The following BCAN variants were observed in gnomAD, a reference collection of about 807,000 sequenced individuals.
BCAN encodes brevican, also known as brevican core protein.
Under a neutral mutation model 92.4 loss-of-function variants are expected in BCAN, and 51 were observed. That is an observed-to-expected ratio of 0.55 (90% CI 0.44 to 0.70). The LOEUF (loss-of-function observed/expected upper bound fraction) is 0.70. Ranked by LOEUF, BCAN falls within the 30% of genes least tolerant of loss-of-function variation. The pLI is 0.00. For synonymous variants in BCAN, 501 were observed against 505.2 expected, an observed-to-expected ratio of 0.99 and a Z score of 0.11; for missense variants, 1,140 against 1,212.1, an observed-to-expected ratio of 0.94 and a Z score of 0.88.
chr1:156,644,199 T>C (rs1678887682), intron 1 of BCAN: 1 of 152,286 alleles, frequency 6.6e-6, no homozygotes, highest in African/African-American at 2.4e-5. Context: ...TTAGGCCCTC[T>C]TCCCTCACTC....
At position 156,653,510 on chromosome 1, in the gene BCAN, C is replaced by T. The variant is rs114715672; in HGVS notation, c.1942+618C>T. On this transcript the variant is annotated intron_variant, in intron 8 of 13. Transcript: ENST00000329117. ...TCTGTCTCCATCTCCTGCTGTCCAC[C>T]TCTCTCATTCCATGGGTCTGTGTCA... 2,846 of 986,836 alleles carry T rather than the reference C, an allele frequency of 2.9e-3. 63 individuals carry two copies. The African/African-American group carries it at 0.047, about 16-fold the overall frequency. The allele number at this position is 986,836 out of a possible 1,614,324, so 61.1% of individuals were successfully genotyped here. A position where few individuals can be genotyped will look rare whatever the true frequency, so the allele number is the denominator to read the frequency against.
Position 156,647,766 on chromosome 1 carries a change from C to A in BCAN, c.641+84C>A. On this transcript the variant is annotated intron_variant, in intron 4 of 13. Transcript: ENST00000329117. The surrounding 1 kb of genome is among the most constrained non-coding windows in gnomAD (Gnocchi z 4.8). ...TTCTGCTGGGTGCTGCCTGCTGTGT[C>A]AGGCTGGACATGCAGGGCTTTTTGC... 1.3e-6 allele frequency: 2 copies of A among 1,554,442 alleles called. No homozygotes were observed. Among genetic ancestry groups the A allele is most frequent in the South Asian group, 1.2e-5 (1 of 85,516 alleles).
rs1679021185 is a variant in BCAN at position 156,647,422 on chromosome 1, T to C, written c.467-86T>C. The C allele has an allele frequency of 7.3e-7, 1 of 1,369,920 alleles. No homozygotes were observed. 84.9% of individuals were successfully genotyped at this position (1,369,920 alleles called of 1,614,324 possible). ...GAGCACAATTGAACTTTATTTACCC[T>C]TGTGTACAGAGGAGTGACAAGGAGG... On this transcript the variant is annotated intron_variant, in intron 3 of 13. Transcript: ENST00000329117. This position sits in a 1 kb window ranked among gnomAD's most constrained non-coding sequence, Gnocchi z 4.8.
intron 10 of BCAN, 91 bp downstream of exon 10, chr1:156,657,187 T>A: frequency 6.7e-7 from 1 of 1,489,218 alleles, no homozygotes; most frequent in Admixed American, 2.0e-5. Context: ...ACCCATGCAC[T>A]TATTCCTTGG....
rs761399186 is a variant in BCAN, at chr1:156,647,485, C to T, written c.467-23C>T. 2 of 1,534,052 alleles carry T rather than the reference C, an allele frequency of 1.3e-6. No individual in the cohort carries two copies. Among genetic ancestry groups the T allele is most frequent in the South Asian group, 1.3e-5 (1 of 78,282 alleles). ...CAGCGTGCTGGGTGCTCACCTGGCT[C>T]AGGGGTCCTCTCTGCCCCACAGGGG... On this transcript the variant is annotated intron_variant, in intron 3 of 13. Coordinates refer to ENST00000329117, the MANE Select transcript of BCAN (RefSeq NM_021948.5). This position sits in a 1 kb window ranked among gnomAD's most constrained non-coding sequence, Gnocchi z 4.8.
At chr1:156,643,074 T>C (rs1191829298) in intron 1 of BCAN, 2 of 152,154 alleles carry the variant, frequency 1.3e-5, no homozygotes, top group East Asian at 1.9e-4. Flanking sequence ...GCCTACATGG[T>C]TCTAATAGGA....
In BCAN at chr1:156,647,115, C is replaced by T. The variant is rs774973763; in HGVS notation, c.406C>T (p.Arg136Cys). The part of the protein sequence containing the change: ...ELRPNDSGIY[R>C]CEVQHGIDDS... ...GCGCCCCAACGACTCAGGTATCTATCGCTGTGAGGTCCAGCACGGCATCGA... is the reference window on the plus strand; with the variant it reads ...GCGCCCCAACGACTCAGGTATCTATTGCTGTGAGGTCCAGCACGGCATCGA... The change falls in exon 3 of 14, where the codon CGC becomes TGC. Residue 136 changes from arginine to cysteine, a missense_variant. Coordinates refer to ENST00000329117, the MANE Select transcript of BCAN (RefSeq NM_021948.5). This position sits in a 1 kb window ranked among gnomAD's most constrained non-coding sequence, Gnocchi z 4.8. The T allele has an allele frequency of 8.9e-6, 14 of 1,568,540 alleles. No individual in the cohort carries two copies. The highest frequency in any genetic ancestry group is 1.1e-5 in the Non-Finnish European group (13 of 1,149,438).
rs755597105 is a variant in BCAN, at chr1:156,648,636, C to A, written c.838C>A (p.Arg280=). 4.3e-6 allele frequency: 7 copies of A among 1,610,756 alleles called. No individual in the cohort carries two copies. In the South Asian group the frequency reaches 7.7e-5, roughly 18 times the overall value. The change falls in exon 6 of 14, where the codon CGG becomes AGG. Residue 280 remains arginine, a synonymous_variant. Coordinates refer to ENST00000329117, the MANE Select transcript of BCAN (RefSeq NM_021948.5). The part of the protein sequence containing the change: ...LEEARAYCQE[R]GAEIATTGQL... ...GGAAGCACGGGCGTACTGCCAGGAG[C>A]GGGGTGCAGAGATTGCCACCACGGG...
At chr1:156,657,809 T>G in intron 11 of BCAN, 52 bp downstream of exon 11, 1 of 1,496,046 alleles carries the variant, frequency 6.7e-7, no homozygotes, top group Non-Finnish European at 9.1e-7. Context: ...TCTAAGCACT[T>G]CTGTTCCCTA....
In BCAN at chr1:156,646,809, G is replaced by A. The variant is rs567392571; in HGVS notation, c.100G>A (p.Ala34Thr). 5 of 1,563,940 alleles carry A rather than the reference G, an allele frequency of 3.2e-6. No homozygotes were observed. In the African/African-American group the frequency reaches 5.5e-5, roughly 17 times the overall value. ...GCTCCACCCGTTCACAGAGGACCGC[G>A]CTTTTCGCGTGCGCATCGCGGGCGA... ...VLEGDSSEDRAFRVRIAGDAP... is the reference protein window; with the variant it reads ...VLEGDSSEDRTFRVRIAGDAP... The change falls in exon 3 of 14, where the codon GCT (alanine) becomes ACT (threonine). Residue 34 changes from alanine to threonine, a missense_variant. Transcript: ENST00000329117.
At chr1:156,646,726 C>T (rs931362838) in intron 2 of BCAN, 75 bp from the exon 3 acceptor site, 8 of 1,498,394 alleles carry the variant, frequency 5.3e-6, no homozygotes, top group Non-Finnish European at 7.1e-6. Context: ...GATCCTGGAG[C>T]GGGGCTTGGA....
intron 8 of BCAN, among the ~76,000 whole-genome samples, chr1:156,655,109 T>C (rs1679289194): frequency 6.6e-6 from 1 of 152,182 alleles, no homozygotes; most frequent in Non-Finnish European, 1.5e-5. Flanking sequence ...TTGCCTCTCA[T>C]GGCTGAGGGC....
chr1:156,648,387 T>A (rs1166736449), intron 5 of BCAN, among the ~76,000 whole-genome samples, 181 bp from the exon 6 acceptor site: 1 of 152,082 alleles, frequency 6.6e-6, no homozygotes, highest in African/African-American at 2.4e-5. Flanking sequence ...TTGGGCCCCA[T>A]CTCTTTGAGC....
intron 10 of BCAN, chr1:156,657,419 A>C: frequency 1.9e-6 from 1 of 539,766 alleles, no homozygotes; most frequent in South Asian, 2.6e-5. Flanking sequence ...TCCAACTCCA[A>C]TCTTGTTGAA....
chr1:156,646,072 G>A lies in BCAN; in HGVS notation c.18G>A (p.Leu6=), dbSNP rs755222180. ...CCTGCAGCATGGCCCAGCTGTTCCT[G>A]CCCCTGCTGGCAGCCCTGGTCCTGG... MAQLF[L]PLLAALVLAQ... The change falls in exon 2 of 14, where the codon CTG becomes CTA. Residue 6 remains leucine, a synonymous_variant. Transcript: ENST00000329117. 5.0e-6 allele frequency: 8 copies of A among 1,613,426 alleles called. No homozygotes were observed. Among genetic ancestry groups the A allele is most frequent in the Non-Finnish European group, 6.8e-6 (8 of 1,179,452 alleles).
chr1:156,658,517 C>T lies in BCAN; in HGVS notation c.2438-26C>T, dbSNP rs1438059799. On this transcript the variant is annotated intron_variant, in intron 12 of 13. Coordinates refer to ENST00000329117, the MANE Select transcript of BCAN (RefSeq NM_021948.5). This position sits in a 1 kb window ranked among gnomAD's most constrained non-coding sequence, Gnocchi z 4.4. ...GAACTGTCACCCACAGAGCCAGGCT[C>T]AGTTCCTAACTGTCTTCCTTTGCAG... 3.8e-6 allele frequency: 6 copies of T among 1,599,962 alleles called. No individual in the cohort carries two copies. Among genetic ancestry groups the T allele is most frequent in the Non-Finnish European group, 5.1e-6 (6 of 1,169,854 alleles).
Position 156,658,248 on chromosome 1 carries a change from C to T in BCAN, c.2414C>T (p.Ser805Phe). Residue 805 changes from serine (S) to phenylalanine (F), a missense_variant, in exon 12 of 14, where the codon TCC becomes TTC. By Grantham distance (155) the Ser-to-Phe change is radical (BLOSUM62 -2). Transcript: ENST00000329117. The surrounding 1 kb of genome is among the most constrained non-coding windows in gnomAD (Gnocchi z 4.4). ...GACGTGCCCTGCAACTACCACCTGT[C>T]CTACACCTGCAAGATGGGGCTGGGT... is the stretch of plus-strand genomic sequence containing the variant. ...WSDVPCNYHL[S>F]YTCKMGLVSC... 1 of 1,613,958 alleles carries T rather than the reference C, an allele frequency of 6.2e-7. No homozygotes were observed.
chr1:156,645,480 G>A (rs1245709473), intron 1 of BCAN, among the ~76,000 whole-genome samples: 3 of 152,130 alleles, frequency 2.0e-5, no homozygotes, highest in African/African-American at 4.8e-5. Context: ...ACTTGCGTTC[G>A]GTCTAGGAGG....
chr1:156,658,935 C>A lies in BCAN; in HGVS notation c.2629-92C>A. 2.2e-6 allele frequency: 3 copies of A among 1,351,434 alleles called. No homozygotes were observed. Among genetic ancestry groups the A allele is most frequent in the Non-Finnish European group, 3.1e-6 (3 of 979,226 alleles). 83.7% of individuals were successfully genotyped at this position (1,351,434 alleles called of 1,614,324 possible). On this transcript the variant is annotated intron_variant, in intron 13 of 13. Coordinates refer to ENST00000329117, the MANE Select transcript of BCAN (RefSeq NM_021948.5). This position sits in a 1 kb window ranked among gnomAD's most constrained non-coding sequence, Gnocchi z 4.4. ...TGATAACATGCAGCCCCATTCTGGG[C>A]TCTTACGGGCTGAGCAAGAACATCA...
Sources: allele counts gnomAD v4.1 joint callset (sites outside exome capture counted in the v4.1 genomes callset), GRCh38; gene constraint gnomAD v4.1.1; non-coding constraint Gnocchi (gnomAD v3.1); transcripts MANE v1.5; gene names NCBI Gene and HGNC (gene_info 2026-07-23, HGNC 2026-07-21).